TUB: variants seen among roughly 807,000 people sequenced by gnomAD.
The protein encoded by TUB is tubby protein homolog.
A neutral mutation model predicts 59.7 loss-of-function variants in TUB; 33 were observed. The ratio of observed to expected loss-of-function variants is 0.55; its 90% CI spans 0.42 to 0.74. The LOEUF is 0.74. Among genes scored for constraint, TUB ranks in the 30% least tolerant of loss-of-function variants. The pLI is 0.00. For missense variants in TUB, 659 were observed against 672.0 expected, an observed-to-expected ratio of 0.98 and a Z score of 0.21; for synonymous variants, 293 against 256.4, an observed-to-expected ratio of 1.14 and a Z score of -1.36.
chr11:8,066,069 A>G (rs1296857227), intron 2 of TUB, among the ~76,000 whole-genome samples: 1 of 152,112 alleles, frequency 6.6e-6, no homozygotes, highest in Non-Finnish European at 1.5e-5. Flanking sequence ...GTGGCTAATC[A>G]TGTCACCCCA....
chr11:8,039,589 G>T, intron 1 of TUB: 1 of 1,395,772 alleles, frequency 7.2e-7, no homozygotes, highest in Non-Finnish European at 9.4e-7. Context: ...AGCAGGCAGG[G>T]ATGATGAGGT....
chr11:8,069,128 T>C (rs1476827882), intron 2 of TUB: 1 of 152,228 alleles, frequency 6.6e-6, no homozygotes, highest in Non-Finnish European at 1.5e-5. Context: ...CCACGATCAC[T>C]CCACAGGGAG....
intron 2 of TUB, among the ~76,000 whole-genome samples, chr11:8,073,125 T>C (rs976391761): frequency 6.6e-6 from 1 of 152,120 alleles, no homozygotes; most frequent in African/African-American, 2.4e-5. Flanking sequence ...CCTCCATAGG[T>C]CTTGGAACTT....
At chr11:8,076,495 C>T (rs1943450615), upstream of TUB, 1 of 152,190 alleles carries the variant, frequency 6.6e-6, no homozygotes, top group African/African-American at 2.4e-5. Context: ...GGCATGGACC[C>T]AGGTTTTCGC....
rs1177961023 is a variant in TUB, at chr11:8,081,558, CGCCGG to C, written c.38+17_38+21del. The C allele has an allele frequency of 6.5e-7, 1 of 1,534,444 alleles. No homozygotes were observed. The highest frequency in any genetic ancestry group is 8.7e-7 in the Non-Finnish European group (1 of 1,145,926). On this transcript the variant is annotated intron_variant, in intron 1 of 11. Coordinates refer to ENST00000299506, the MANE Select transcript of TUB (RefSeq NM_177972.3). ...ACTGGATTCCCTACAGGTACGCGGGCGCCGGGCCGGGGCGCCCACCACTCCCGACT... is the reference window on the plus strand; with the variant it reads ...ACTGGATTCCCTACAGGTACGCGGGCGCCGGGGCGCCCACCACTCCCGACT...
intron 2 of TUB, among the ~76,000 whole-genome samples, chr11:8,051,532 T>A (rs1186322692): frequency 6.6e-6 from 1 of 152,214 alleles, no homozygotes; most frequent in African/African-American, 2.4e-5. Context: ...AAAGAATGAA[T>A]CTCTTTAAAG....
At chr11:8,055,183 A>T (rs1942999196) in intron 2 of TUB, among the ~76,000 whole-genome samples, 1 of 152,196 alleles carries the variant, frequency 6.6e-6, no homozygotes, top group Non-Finnish European at 1.5e-5. Context: ...GACAGGCTGC[A>T]TCAGCCTGGT....
intron 9 of TUB, among the ~76,000 whole-genome samples, chr11:8,099,806 A>G (rs758036787): frequency 6.6e-5 from 10 of 151,888 alleles, no homozygotes; most frequent in Middle Eastern, 3.4e-3. Flanking sequence ...GAAGGAAGTG[A>G]AAAACAGCAG....
In TUB at chr11:8,100,004, G is replaced by A. The variant is rs1253481422; in HGVS notation, c.1117-499G>A. Among the ~76,000 whole-genome samples the A allele has an allele frequency of 3.3e-5, 5 of 152,208 alleles. No homozygotes were observed. In the East Asian group the frequency reaches 9.6e-4, roughly 29 times the overall value. On this transcript the variant is annotated intron_variant, in intron 9 of 11. Coordinates refer to ENST00000299506, the MANE Select transcript of TUB (RefSeq NM_177972.3). ...CCACTGGAGAGTTCTGAGCAGAGGA[G>A]AAAGATCATCTGACTTAATGTGCCT... is the stretch of plus-strand genomic sequence containing the variant.
At chr11:8,080,542 A>T (rs760114712), upstream of TUB, among the ~76,000 whole-genome samples, 4 of 152,176 alleles carry the variant, frequency 2.6e-5, no homozygotes, top group Non-Finnish European at 4.4e-5. Flanking sequence ...ACCACTTCCT[A>T]GCTTTACGGC....
At chr11:8,081,647 A>G in intron 1 of TUB, 99 bp downstream of exon 1, 2 of 1,318,900 alleles carry the variant, frequency 1.5e-6, no homozygotes, top group Non-Finnish European at 2.0e-6. Flanking sequence ...TGCCCTCCCC[A>G]CCTATCCCAG....
chr11:8,073,475 T>C (rs945578809), intron 2 of TUB, among the ~76,000 whole-genome samples: 2 of 152,190 alleles, frequency 1.3e-5, no homozygotes, highest in Admixed American at 6.5e-5. Flanking sequence ...ACTCATAGGC[T>C]TTTCTGAAAG....
In TUB at chr11:8,104,126, C is replaced by G. The variant is rs960026526; in HGVS notation, c.*2507C>G. On this transcript the variant is annotated 3_prime_UTR_variant, in exon 12 of 12. Coordinates refer to ENST00000299506, the MANE Select transcript of TUB (RefSeq NM_177972.3). Reference sequence around the variant, plus strand: ...TGGACTCGTAAAGCTGCTAGGGCCCCTAGAAACCACCTGGGTTCAGCCTCT... The same window carrying G: ...TGGACTCGTAAAGCTGCTAGGGCCCGTAGAAACCACCTGGGTTCAGCCTCT... 1 of 152,298 alleles carries G rather than the reference C, an allele frequency of 6.6e-6. No individual in the cohort carries two copies. Among genetic ancestry groups the G allele is most frequent in the African/African-American group, 2.4e-5 (1 of 41,470 alleles). The allele number at this position is 152,298 out of a possible 1,614,324, so 9.4% of individuals were successfully genotyped here. A position where few individuals can be genotyped will look rare whatever the true frequency, so the allele number is the denominator to read the frequency against.
At position 8,094,275 on chromosome 11, in the gene TUB, G is replaced by A; in HGVS notation, c.397+86G>A. The A allele has an allele frequency of 5.5e-6, 8 of 1,450,890 alleles. No individual in the cohort carries two copies. In the South Asian group the frequency reaches 7.1e-5, roughly 13 times the overall value. The allele number at this position is 1,450,890 out of a possible 1,614,324, so 89.9% of individuals were successfully genotyped here. A position where few individuals can be genotyped will look rare whatever the true frequency, so the allele number is the denominator to read the frequency against. On this transcript the variant is annotated intron_variant, in intron 4 of 11. Transcript: ENST00000299506. ...AAGGTTTGTCCTCCTGACTTGGAGGGGAGGGATAGGATGAACAGCCTCAGG... is the reference window on the plus strand; with the variant it reads ...AAGGTTTGTCCTCCTGACTTGGAGGAGAGGGATAGGATGAACAGCCTCAGG...
In TUB at chr11:8,102,531, T is replaced by G. The variant is rs1213760583; in HGVS notation, c.*912T>G. On this transcript the variant is annotated 3_prime_UTR_variant, in exon 12 of 12. Coordinates refer to ENST00000299506, the MANE Select transcript of TUB (RefSeq NM_177972.3). ...GGTCACCAGCCTGACTGCACACAGCTAGGCATGCCTGGGAATCCTGCTGCC... is the reference window on the plus strand; with the variant it reads ...GGTCACCAGCCTGACTGCACACAGCGAGGCATGCCTGGGAATCCTGCTGCC... 6.6e-6 allele frequency: 1 copy of G among 152,222 alleles called. No homozygotes were observed. Among genetic ancestry groups the G allele is most frequent in the Non-Finnish European group, 1.5e-5 (1 of 68,074 alleles). The allele number at this position is 152,222 out of a possible 1,614,324, so 9.4% of individuals were successfully genotyped here. A position where few individuals can be genotyped will look rare whatever the true frequency, so the allele number is the denominator to read the frequency against.
intron 1 of TUB, among the ~76,000 whole-genome samples, chr11:8,030,797 A>G (rs1296903924): frequency 6.6e-6 from 1 of 152,172 alleles, no homozygotes; most frequent in Non-Finnish European, 1.5e-5. Flanking sequence ...GGATAACAGC[A>G]GCCTAGGATT....
In TUB at chr11:8,105,273, C is replaced by G. The variant is rs927642724; in HGVS notation, c.*3654C>G. On this transcript the variant is annotated 3_prime_UTR_variant, in exon 12 of 12. Coordinates refer to ENST00000299506, the MANE Select transcript of TUB (RefSeq NM_177972.3). ...CCTCAGATTACACTTCTCCAGATAG[C>G]TGAATGAGTCTGCTTTCACTGTGAC... 3.3e-5 allele frequency: 5 copies of G among 152,216 alleles called. No homozygotes were observed. The highest frequency in any genetic ancestry group is 1.2e-4 in the African/African-American group (5 of 41,444). The allele number at this position is 152,216 out of a possible 1,614,324, so 9.4% of individuals were successfully genotyped here.
chr11:8,022,556 C>T (rs995783311), intron 1 of TUB, among the ~76,000 whole-genome samples: 2 of 152,140 alleles, frequency 1.3e-5, no homozygotes, highest in Non-Finnish European at 2.9e-5. Context: ...TTATCTATTG[C>T]CATGTTAACA....
At chr11:8,096,079 T>A (rs1364571876) in intron 5 of TUB, among the ~76,000 whole-genome samples, 3 of 152,152 alleles carry the variant, frequency 2.0e-5, no homozygotes, top group Non-Finnish European at 4.4e-5. Context: ...TGCCACACAT[T>A]GTGAGGAATC....
Sources: gnomAD v4.1 joint callset for allele counts (sites outside exome capture counted in the v4.1 genomes callset) on GRCh38, gnomAD v4.1.1 for gene constraint, MANE v1.5 for transcripts, NCBI Gene and HGNC (gene_info 2026-07-23, HGNC 2026-07-21) for gene names.